IGF2R: variants seen among roughly 807,000 people sequenced by gnomAD.
The protein encoded by IGF2R is insulin like growth factor 2 receptor.
In IGF2R, 91 loss-of-function variants were observed where a neutral mutation model predicts 270.6. That is an observed-to-expected ratio of 0.34 (90% confidence interval 0.28 to 0.40). The LOEUF (loss-of-function observed/expected upper bound fraction) is 0.40. IGF2R is among the 10% of genes least tolerant of loss of function. The pLI, the probability that IGF2R is intolerant of heterozygous loss-of-function variation, is 1.00. For synonymous variants in IGF2R, 1,316 were observed against 1,258.9 expected (o/e 1.05, Z -0.96); for missense variants, 2,805 against 3,188.3 (o/e 0.88, Z 2.90).
chr6:160,077,136 C>T (rs1193906995), intron 36 of IGF2R, among the ~76,000 whole-genome samples: 2 of 152,174 alleles, frequency 1.3e-5, no homozygotes, highest in Non-Finnish European at 2.9e-5. Flanking sequence ...GGGCCCAGAG[C>T]ACCTCAAAGC....
intron 1 of IGF2R, among the ~76,000 whole-genome samples, chr6:159,984,098 T>G (rs1783844112): frequency 6.6e-6 from 1 of 152,238 alleles, no homozygotes; most frequent in Non-Finnish European, 1.5e-5. Flanking sequence ...TTCACAGCTT[T>G]TTCATAGAGG....
chr6:159,986,267 T>C (rs1156634978), intron 1 of IGF2R, among the ~76,000 whole-genome samples: 1 of 150,720 alleles, frequency 6.6e-6, no homozygotes, highest in African/African-American at 2.4e-5. Flanking sequence ...AGTCTCACTC[T>C]GTCACCCAGT....
At chr6:160,013,224 T>C (rs1000532721) in intron 4 of IGF2R, among the ~76,000 whole-genome samples, 20 of 152,166 alleles carry the variant, frequency 1.3e-4, no homozygotes, top group African/African-American at 4.6e-4. Context: ...CAACTTGTTT[T>C]CAATGGGTCA....
At chr6:160,090,736 A>G (rs1779202420) in intron 44 of IGF2R, among the ~76,000 whole-genome samples, 1 of 152,276 alleles carries the variant, frequency 6.6e-6, no homozygotes, top group Admixed American at 6.5e-5. Context: ...AAAAAAAATG[A>G]AGTGTGTTTA....
At chr6:159,979,207 A>G (rs964509886) in intron 1 of IGF2R, among the ~76,000 whole-genome samples, 7 of 152,168 alleles carry the variant, frequency 4.6e-5, no homozygotes, top group Admixed American at 2.0e-4. Flanking sequence ...TGCTATCTGC[A>G]TGGTTATCTG....
In IGF2R at chr6:160,084,123, T is replaced by C. The variant is rs1162632668; in HGVS notation, c.6007T>C (p.Tyr2003His). 5 of 1,614,170 alleles carry C rather than the reference T, an allele frequency of 3.1e-6. No homozygotes were observed. In the Middle Eastern group the frequency reaches 6.6e-4, roughly 213 times the overall value. The change falls in exon 40 of 48, where the codon TAC becomes CAC. Residue 2003 changes from tyrosine (Y) to histidine (H), a missense_variant. By Grantham distance (83) the Tyr-to-His change is moderately conservative. Around this residue, in one of 2 missense-constraint regions of IGF2R, gnomAD observed 1,851 missense variants for 2,207.2 expected, o/e 0.84. Transcript: ENST00000356956. The surrounding 1 kb of genome is among the most constrained non-coding windows in gnomAD (Gnocchi z 4.6). ...CAAATTCGTCCAGAAACACAAAACC[T>C]ACGACCTGCGGCTGCTCTCCTCTCT... ...ECKFVQKHKT[Y>H]DLRLLSSLTG...
chr6:160,069,216 T>C (rs1467115365), intron 30 of IGF2R, among the ~76,000 whole-genome samples: 1 of 152,108 alleles, frequency 6.6e-6, no homozygotes, highest in Non-Finnish European at 1.5e-5. Flanking sequence ...GTACCACTCA[T>C]GGCCCCTCGG....
At chr6:160,066,536 A>G (rs1267342617) in intron 29 of IGF2R, among the ~76,000 whole-genome samples, 1 of 152,204 alleles carries the variant, frequency 6.6e-6, no homozygotes, top group Non-Finnish European at 1.5e-5. Context: ...AAAAGTTAAT[A>G]TATGTCTATT....
intron 11 of IGF2R, among the ~76,000 whole-genome samples, chr6:160,042,914 C>T (rs1777978484): frequency 6.6e-6 from 1 of 152,030 alleles, no homozygotes; most frequent in Non-Finnish European, 1.5e-5. Flanking sequence ...GCCTACTCTT[C>T]TGAAGAAGTA....
Position 160,056,435 on chromosome 6 carries a change from C to T in IGF2R, c.2706C>T (p.Pro902=). The stretch of plus-strand genomic sequence containing the variant: ...ATTTGCCCATTCAGAACAGCCACCC[C>T]ATCTTTTCTCTCAACTGGGAGTGTG... ...VCSRGRLNSH[P]IFSLNWECVV... The change falls in exon 20 of 48, where the codon CCC becomes CCT. Residue 902 remains proline (P), a synonymous_variant. Coordinates refer to ENST00000356956, the MANE Select transcript of IGF2R (RefSeq NM_000876.4). The T allele has an allele frequency of 6.2e-7, 1 of 1,613,292 alleles. No homozygotes were observed.
chr6:160,027,063 A>C (rs1016459010), intron 5 of IGF2R, 122 bp from the exon 6 acceptor site: 1 of 1,100,730 alleles, frequency 9.1e-7, no homozygotes, highest in African/African-American at 1.6e-5. Context: ...AGGTTTCAGA[A>C]TAGTTACTTA....
At chr6:160,045,670 T>C in intron 13 of IGF2R, 75 bp from the exon 14 acceptor site, 1 of 1,570,884 alleles carries the variant, frequency 6.4e-7, no homozygotes, top group Non-Finnish European at 8.8e-7. Context: ...AGTCTACTTC[T>C]AGCAGAGAAG....
At chr6:160,034,592 C>A in intron 10 of IGF2R, 70 bp downstream of exon 10, 1 of 1,024,762 alleles carries the variant, frequency 9.8e-7, no homozygotes, top group Non-Finnish European at 1.5e-6. Flanking sequence ...TGTGCACAGG[C>A]GTGTTCTTGG....
At chr6:160,012,915 C>G (rs1583259521) in intron 4 of IGF2R, among the ~76,000 whole-genome samples, 3 of 151,796 alleles carry the variant, frequency 2.0e-5, no homozygotes. Flanking sequence ...GAGTGAGCCC[C>G]TGCGCCTGGC....
rs367853181 is a variant in IGF2R, at chr6:160,009,361, A to G, written c.414+227A>G. On this transcript the variant is annotated intron_variant, in intron 3 of 47. Coordinates refer to ENST00000356956, the MANE Select transcript of IGF2R (RefSeq NM_000876.4). ...TAGACCATGTCTTTTGTAAAACTAC[A>G]ATTCAAAGTGATTACTGTGTTAAAA... 1.2e-4 allele frequency among the ~76,000 whole-genome samples: 18 copies of G among 152,350 alleles called. No individual in the cohort carries two copies. The South Asian group carries it at 2.9e-3, about 25-fold the overall frequency.
chr6:160,079,750 C>T lies in IGF2R; in HGVS notation c.5649C>T (p.Val1883=), dbSNP rs755501379. The T allele has an allele frequency of 2.0e-5, 29 of 1,474,480 alleles. No individual in the cohort carries two copies. The South Asian group carries it at 2.2e-4, about 11-fold the overall frequency. The allele number at this position is 1,474,480 out of a possible 1,614,324, so 91.3% of individuals were successfully genotyped here. A position where few individuals can be genotyped will look rare whatever the true frequency, so the allele number is the denominator to read the frequency against. Reference sequence around the variant, plus strand: ...ATTACAGGCACCAGGATGAAGCGGTCGTTTTAAGTTACGTGAATGGTGATC... The same window carrying T: ...ATTACAGGCACCAGGATGAAGCGGTTGTTTTAAGTTACGTGAATGGTGATC... ...KLDYRHQDEA[V]VLSYVNGDRC... Residue 1883 remains valine, a synonymous_variant, in exon 38 of 48, where the codon GTC becomes GTT. Coordinates refer to ENST00000356956, the MANE Select transcript of IGF2R (RefSeq NM_000876.4).
Position 160,032,675 on chromosome 6 carries a change from A to T in IGF2R, c.1007A>T (p.Asp336Val), listed in dbSNP as rs139309515. ...KTCSLSGEQQ[D>V]VSIDLTPLAQ... ...TGTTCTCTGAGCGGCGAGCAGCAGG[A>T]TGTCTCCATAGACCTCACACCACTT... The change falls in exon 8 of 48, where the codon GAT (aspartate) becomes GTT (valine). Residue 336 changes from aspartate to valine, a missense_variant. Around this residue, in one of 2 missense-constraint regions of IGF2R, gnomAD observed 954 missense variants for 981.1 expected, o/e 0.97. Coordinates refer to ENST00000356956, the MANE Select transcript of IGF2R (RefSeq NM_000876.4). 4 of 1,614,056 alleles carry T rather than the reference A, an allele frequency of 2.5e-6. No individual in the cohort carries two copies. The African/African-American group carries it at 4.0e-5, about 16-fold the overall frequency.
At chr6:160,079,349 G>A (rs987656586) in intron 37 of IGF2R, among the ~76,000 whole-genome samples, 2 of 152,210 alleles carry the variant, frequency 1.3e-5, no homozygotes, top group African/African-American at 2.4e-5. Context: ...AGGGGTGGCC[G>A]AGGCCCCCAG....
intron 29 of IGF2R, 55 bp downstream of exon 29, chr6:160,064,956 C>T: frequency 8.1e-7 from 1 of 1,232,552 alleles, no homozygotes; most frequent in Non-Finnish European, 1.2e-6. Flanking sequence ...TATGATTTTG[C>T]TTTAATAATT....
Sources: gnomAD v4.1 joint callset for allele counts (sites outside exome capture counted in the v4.1 genomes callset) on GRCh38, gnomAD v4.1.1 for gene constraint, gnomAD v4.1.1 regional missense constraint, Gnocchi (gnomAD v3.1) non-coding constraint, MANE v1.5 for transcripts, NCBI Gene and HGNC (gene_info 2026-07-23, HGNC 2026-07-21) for gene names.